NEBL: variants seen among roughly 807,000 people sequenced by gnomAD.
The protein encoded by NEBL is LIM and SH3 protein 2.
Under a neutral mutation model 140.2 loss-of-function variants are expected in NEBL, and 122 were observed. That is an observed-to-expected ratio of 0.87 (90% CI 0.75 to 1.01). NEBL has a LOEUF of 1.01. Ranked by LOEUF, NEBL falls within the 50% of genes least tolerant of loss-of-function variation. The pLI is 0.00. For synonymous variants in NEBL, 436 were observed against 398.9 expected (o/e 1.09, Z -1.11); for missense variants, 1,365 against 1,231.3 (o/e 1.11, Z -1.62).
At chr10:21,180,331 G>A (rs774574611) in intron 3 of NEBL, among the ~76,000 whole-genome samples, 3 of 152,176 alleles carry the variant, frequency 2.0e-5, no homozygotes, top group South Asian at 2.1e-4. Flanking sequence ...AAATAATGAC[G>A]TTCTGGGACT....
At chr10:20,889,696 C>T (rs545990871) in intron 3 of NEBL, 149 bp downstream of exon 3, 14 of 653,296 alleles carry the variant, frequency 2.1e-5, no homozygotes, top group East Asian at 1.1e-4. Context: ...TAAATGACAG[C>T]GCATCACATT....
chr10:21,122,464 T>C (rs554032297), intron 2 of NEBL, among the ~76,000 whole-genome samples: 1 of 152,334 alleles, frequency 6.6e-6, no homozygotes, highest in South Asian at 2.1e-4. Flanking sequence ...ATACTTGCTT[T>C]GCATATTTAG....
At chr10:20,991,586 CT>C (rs1027660349) in intron 3 of NEBL, among the ~76,000 whole-genome samples, 8 of 151,722 alleles carry the variant, frequency 5.3e-5, no homozygotes, top group African/African-American at 1.4e-4. Context: ...CTCATTTTTC[CT>C]TTTTTTGTTT....
intron 3 of NEBL, among the ~76,000 whole-genome samples, chr10:21,193,507 G>A (rs959334322): frequency 6.6e-6 from 1 of 152,136 alleles, no homozygotes; most frequent in African/African-American, 2.4e-5. Flanking sequence ...TACACTAGCT[G>A]TACAAACACT....
At position 20,830,911 on chromosome 10, in the gene NEBL, T is replaced by TAAA. The variant is rs1165581267; in HGVS notation, c.1671+284_1671+285insTTT. Among the ~76,000 whole-genome samples, 38 of 52,534 alleles carry TAAA rather than the reference T, an allele frequency of 7.2e-4. No homozygotes were observed. In the East Asian group the frequency reaches 7.4e-3, roughly 10 times the overall value. The allele number at this position is 52,534 out of a possible 152,430, so 34.5% of individuals were successfully genotyped here. On this transcript the variant is annotated intron_variant, in intron 16 of 27. Transcript: ENST00000377122. ...AGAGTGAGACCTCCATCTCTAAAATTTAAAAAAAAAAAAAAAAAAAAAAAG... is the reference window on the plus strand; with the variant it reads ...AGAGTGAGACCTCCATCTCTAAAATTAAATAAAAAAAAAAAAAAAAAAAAAAAG...
In NEBL at chr10:20,845,338, T is replaced by A. The variant is rs1374516978; in HGVS notation, c.1147A>T (p.Ile383Phe). The change falls in exon 12 of 28, where the codon ATT becomes TTT. Residue 383 changes from isoleucine (I) to phenylalanine (F), a missense_variant. Physicochemically the swap from Ile to Phe is conservative, Grantham distance 21 (BLOSUM62 0). Around this residue, in one of 2 missense-constraint regions of NEBL, gnomAD observed 1,323 missense variants for 1,154.8 expected, o/e 1.15. Transcript: ENST00000377122. The part of the protein sequence containing the change: ...KVYKEDFEKE[I>F]KGRSSLDLDK... ...AAATCCAGTGATGACCTTCCTTTAA[T>A]CTCCTTCTCAAAATCCTCTTTGTAA... The A allele has an allele frequency of 6.2e-6, 10 of 1,603,494 alleles. No homozygotes were observed. In the Admixed American group the frequency reaches 1.7e-4, roughly 27 times the overall value.
chr10:20,861,313 G>A (rs1165861899), intron 7 of NEBL, among the ~76,000 whole-genome samples: 2 of 152,122 alleles, frequency 1.3e-5, no homozygotes, highest in Non-Finnish European at 2.9e-5. Context: ...AAGCAGCTGG[G>A]ACTACAGGTG....
At chr10:21,249,695 G>A (rs1384090510) in intron 2 of NEBL, among the ~76,000 whole-genome samples, 1 of 149,736 alleles carries the variant, frequency 6.7e-6, no homozygotes, top group Non-Finnish European at 1.5e-5. Flanking sequence ...AATATTACAT[G>A]TATCTTTAAA....
intron 3 of NEBL, among the ~76,000 whole-genome samples, chr10:20,996,556 T>C (rs1478438062): frequency 1.3e-5 from 2 of 152,324 alleles, no homozygotes; most frequent in East Asian, 1.9e-4. Context: ...AATGAGAGTT[T>C]AAGTAACTTG....
At chr10:20,891,273 T>A (rs1217641491) in intron 2 of NEBL, among the ~76,000 whole-genome samples, 1 of 152,234 alleles carries the variant, frequency 6.6e-6, no homozygotes, top group Non-Finnish European at 1.5e-5. Flanking sequence ...AACATATTTA[T>A]CTTATCTGAG....
intron 3 of NEBL, among the ~76,000 whole-genome samples, chr10:20,985,162 T>A (rs141001026): frequency 1.2e-3 from 187 of 152,334 alleles, no homozygotes; most frequent in African/African-American, 4.3e-3. Context: ...TGAATTATCC[T>A]GAAACCATCC....
rs147138836 is a variant in NEBL at position 20,881,589 on chromosome 10, T to C, written c.370-685A>G. Among the ~76,000 whole-genome samples, 606 of 152,292 alleles carry C rather than the reference T, an allele frequency of 4.0e-3. 3 individuals are homozygous for C. The highest frequency in any genetic ancestry group is 9.0e-3 in the Admixed American group (138 of 15,286). Reference sequence around the variant, plus strand: ...GACAGCAACCAAGTTATCCCCTTGGTCTCCACTGATACTATTAACCTATTT... The same window carrying C: ...GACAGCAACCAAGTTATCCCCTTGGCCTCCACTGATACTATTAACCTATTT... On this transcript the variant is annotated intron_variant, in intron 4 of 27. Coordinates refer to ENST00000377122, the MANE Select transcript of NEBL (RefSeq NM_006393.3).
At chr10:20,858,859 C>T (rs1843374772) in intron 8 of NEBL, among the ~76,000 whole-genome samples, 1 of 152,086 alleles carries the variant, frequency 6.6e-6, no homozygotes, top group Admixed American at 6.6e-5. Context: ...ATTGAATCTC[C>T]ACAATAACCT....
intron 1 of NEBL, among the ~76,000 whole-genome samples, chr10:21,253,478 C>T (rs1248726332): frequency 1.3e-5 from 2 of 151,290 alleles, no homozygotes; most frequent in African/African-American, 4.9e-5. Context: ...AACTAGACAA[C>T]ATTGAGGGTA....
chr10:21,221,812 A>G (rs977751152), intron 3 of NEBL, among the ~76,000 whole-genome samples: 4 of 152,064 alleles, frequency 2.6e-5, no homozygotes, highest in Non-Finnish European at 5.9e-5. Context: ...AAAAATAAAA[A>G]CTTTTTAGCA....
chr10:20,936,616 T>G (rs1478795168), intron 4 of NEBL, among the ~76,000 whole-genome samples: 1 of 152,210 alleles, frequency 6.6e-6, no homozygotes, highest in Non-Finnish European at 1.5e-5. Flanking sequence ...CCTTCTCTAG[T>G]GTACAAACAT....
chr10:21,290,981 G>A (rs1038297272), intron 1 of NEBL, among the ~76,000 whole-genome samples: 14 of 152,146 alleles, frequency 9.2e-5, no homozygotes, highest in African/African-American at 3.4e-4. Flanking sequence ...CTTCAGAGGG[G>A]AAGGGAAAAT....
chr10:21,105,173 G>A lies in NEBL; in HGVS notation c.164+67210C>T, dbSNP rs117686649. Among the ~76,000 whole-genome samples the A allele has an allele frequency of 2.0e-3, 308 of 151,104 alleles. 1 individual carries two copies. The highest frequency in any genetic ancestry group is 3.3e-3 in the Non-Finnish European group (225 of 67,890). On this transcript the variant is annotated intron_variant, in intron 2 of 6. Transcript: ENST00000417816. ...ACGTGTTCATGAAGAATATTGGCCT[G>A]TAATAATCTTCATTTCTTTTTCTTT...
At chr10:20,855,602 C>T (rs556858002) in intron 9 of NEBL, among the ~76,000 whole-genome samples, 2 of 151,536 alleles carry the variant, frequency 1.3e-5, no homozygotes, top group South Asian at 4.2e-4. Flanking sequence ...CCTTATATAA[C>T]AGTCTCTGCT....
Sources: allele counts gnomAD v4.1 joint callset (sites outside exome capture counted in the v4.1 genomes callset), GRCh38; gene constraint gnomAD v4.1.1; regional missense constraint gnomAD v4.1.1; transcripts MANE v1.5; gene names NCBI Gene and HGNC (gene_info 2026-07-23, HGNC 2026-07-21).